PRKACB: variants seen among roughly 807,000 people sequenced by gnomAD.
PRKACB encodes protein kinase cAMP-activated catalytic subunit beta.
PRKACB carries 16 observed loss-of-function variants against 51.4 expected under a neutral mutation model. The ratio of observed to expected loss-of-function variants is 0.31; its 90% CI spans 0.21 to 0.47. PRKACB has a LOEUF of 0.47. Ranked by LOEUF, PRKACB falls within the 20% of genes least tolerant of loss-of-function variation. The pLI, the probability that PRKACB is intolerant of heterozygous loss-of-function variation, is 1.00. For synonymous variants in PRKACB, 147 were observed against 154.4 expected (o/e 0.95, Z 0.35); for missense variants, 309 against 464.5 (o/e 0.67, Z 3.08).
intron 1 of PRKACB, among the ~76,000 whole-genome samples, chr1:84,109,761 A>G (rs533698571): frequency 6.6e-6 from 1 of 151,836 alleles, no homozygotes; most frequent in South Asian, 2.1e-4. Flanking sequence ...CATTATGTTT[A>G]TTGCTAATTT....
chr1:84,238,147 C>T lies in PRKACB; in HGVS notation c.*2842C>T, dbSNP rs1279169763. Reference sequence around the variant, plus strand: ...ATACCCAGTTGAATCAAACTGTCAACCTACCAAAAACGATATTGTGGCTTA... The same window carrying T: ...ATACCCAGTTGAATCAAACTGTCAATCTACCAAAAACGATATTGTGGCTTA... On this transcript the variant is annotated 3_prime_UTR_variant, in exon 10 of 10. Transcript: ENST00000370685. 6.6e-6 allele frequency: 1 copy of T among 152,350 alleles called. No individual in the cohort carries two copies. The highest frequency in any genetic ancestry group is 2.4e-5 in the African/African-American group (1 of 41,428). The allele number at this position is 152,350 out of a possible 1,614,324, so 9.4% of individuals were successfully genotyped here. A position where few individuals can be genotyped will look rare whatever the true frequency, so the allele number is the denominator to read the frequency against.
At chr1:84,105,976 C>T (rs754887399) in intron 1 of PRKACB, among the ~76,000 whole-genome samples, 13 of 131,364 alleles carry the variant, frequency 9.9e-5, no homozygotes, top group Admixed American at 1.6e-4. Context: ...ATCAACAAAA[C>T]AATAATAAAA....
At chr1:84,232,914 T>C (rs1675974774) in intron 9 of PRKACB, among the ~76,000 whole-genome samples, 1 of 152,156 alleles carries the variant, frequency 6.6e-6, no homozygotes, top group Non-Finnish European at 1.5e-5. Context: ...TCCATTTACA[T>C]TTAAAGTTAA....
Position 84,094,881 on chromosome 1 carries a change from A to G in PRKACB, c.46+16510A>G, listed in dbSNP as rs558048491. Among the ~76,000 whole-genome samples the G allele has an allele frequency of 2.6e-4, 39 of 152,160 alleles. No individual in the cohort carries two copies. The South Asian group carries it at 6.4e-3, about 25-fold the overall frequency. ...ATGTAACAACATTTCAGTCAAAAAC[A>G]TACTGAATATACAATCATGGTTCCA... On this transcript the variant is annotated intron_variant, in intron 1 of 8. Transcript: ENST00000370688.
chr1:84,122,803 T>C (rs1048549871), intron 1 of PRKACB, among the ~76,000 whole-genome samples: 1 of 152,148 alleles, frequency 6.6e-6, no homozygotes, highest in Non-Finnish European at 1.5e-5. Context: ...TATGGTAGTT[T>C]ATGTGAGAAT....
intron 8 of PRKACB, among the ~76,000 whole-genome samples, chr1:84,211,157 ACACG>A (rs945993270): frequency 3.5e-5 from 5 of 143,706 alleles, no homozygotes; most frequent in African/African-American, 7.7e-5. Flanking sequence ...ACACACACAC[ACACG>A]TTCAAGACCA....
At chr1:84,211,480 C>T (rs915500348) in intron 8 of PRKACB, among the ~76,000 whole-genome samples, 4 of 152,126 alleles carry the variant, frequency 2.6e-5, no homozygotes, top group Admixed American at 6.6e-5. Flanking sequence ...TTAAAGTAGA[C>T]AGTGTGCCTT....
At chr1:84,086,920 G>C (rs1000581894) in intron 1 of PRKACB, among the ~76,000 whole-genome samples, 23 of 152,182 alleles carry the variant, frequency 1.5e-4, no homozygotes, top group African/African-American at 5.1e-4. Context: ...CCTCTGAGCA[G>C]GGGGCTTAAC....
intron 1 of PRKACB, among the ~76,000 whole-genome samples, chr1:84,107,076 C>G (rs1649813281): frequency 6.6e-6 from 1 of 152,076 alleles, no homozygotes; most frequent in Non-Finnish European, 1.5e-5. Context: ...CTGTACACCA[C>G]ACCCCCAAGT....
chr1:84,199,130 T>TGC (rs1669299267), intron 7 of PRKACB, among the ~76,000 whole-genome samples: 1 of 146,760 alleles, frequency 6.8e-6, no homozygotes, highest in African/African-American at 2.5e-5. Context: ...TATATATATA[T>TGC]ATACACACAC....
intron 2 of PRKACB, among the ~76,000 whole-genome samples, chr1:84,179,891 A>C (rs891249373): frequency 2.6e-5 from 4 of 151,126 alleles, no homozygotes; most frequent in African/African-American, 9.7e-5. Context: ...TGGTTGCTGC[A>C]TCCATCAACC....
At chr1:84,163,882 G>T (rs1054298611) in intron 1 of PRKACB, among the ~76,000 whole-genome samples, 2 of 151,802 alleles carry the variant, frequency 1.3e-5, no homozygotes, top group Non-Finnish European at 2.9e-5. Context: ...TAGATTCTTT[G>T]TACCATTTTG....
At chr1:84,137,839 G>A (rs1331640941) in intron 1 of PRKACB, among the ~76,000 whole-genome samples, 1 of 152,140 alleles carries the variant, frequency 6.6e-6, no homozygotes, top group Non-Finnish European at 1.5e-5. Flanking sequence ...CTCTATTTGA[G>A]TAGGATTTAC....
intron 3 of PRKACB, among the ~76,000 whole-genome samples, chr1:84,183,340 G>A (rs190951569): frequency 2.6e-4 from 40 of 152,000 alleles, no homozygotes; most frequent in African/African-American, 9.4e-4. Flanking sequence ...AGAAAATCTA[G>A]AGGAAGCTTA....
intron 1 of PRKACB, among the ~76,000 whole-genome samples, chr1:84,168,097 C>G (rs1184464893): frequency 6.6e-6 from 1 of 151,468 alleles, no homozygotes; most frequent in Non-Finnish European, 1.5e-5. Flanking sequence ...GCAACTCACT[C>G]AAATAAGCTT....
At chr1:84,152,641 C>A (rs989432720) in intron 1 of PRKACB, among the ~76,000 whole-genome samples, 1 of 152,090 alleles carries the variant, frequency 6.6e-6, no homozygotes, top group African/African-American at 2.4e-5. Flanking sequence ...CCTCATGAAC[C>A]AACCTCTGCT....
intron 8 of PRKACB, among the ~76,000 whole-genome samples, chr1:84,208,281 T>A (rs1447355444): frequency 6.6e-6 from 1 of 152,244 alleles, no homozygotes; most frequent in South Asian, 2.1e-4. Context: ...AAAACTCAAA[T>A]GTACAAGACT....
intron 1 of PRKACB, among the ~76,000 whole-genome samples, chr1:84,081,543 C>T (rs1647531563): frequency 6.6e-6 from 1 of 152,096 alleles, no homozygotes; most frequent in African/African-American, 2.4e-5. Flanking sequence ...ATTTAAACGT[C>T]AGCTAATACA....
intron 6 of PRKACB, among the ~76,000 whole-genome samples, chr1:84,197,028 C>CGTGTTTTACA (rs1201473086): frequency 6.6e-6 from 1 of 152,124 alleles, no homozygotes; most frequent in Non-Finnish European, 1.5e-5. Context: ...GCATATTCCA[C>CGTGTTTTACA]TTGTTTTACA....
Sources: allele counts gnomAD v4.1 joint callset (sites outside exome capture counted in the v4.1 genomes callset), GRCh38; gene constraint gnomAD v4.1.1; transcripts MANE v1.5; gene names NCBI Gene and HGNC (gene_info 2026-07-23, HGNC 2026-07-21).